AMBRA1: variants seen among roughly 807,000 people sequenced by gnomAD.
AMBRA1 encodes autophagy and beclin 1 regulator 1.
AMBRA1 carries 47 observed loss-of-function variants against 125.4 expected under a neutral mutation model. That is an observed-to-expected ratio of 0.37 (90% CI 0.30 to 0.48). The LOEUF (loss-of-function observed/expected upper bound fraction) is 0.48. AMBRA1 is among the 20% of genes least tolerant of loss of function. The probability of loss-of-function intolerance (pLI) is 0.99; values close to 1 mark genes in which losing one functional copy is unlikely to be tolerated. For missense variants in AMBRA1, 1,331 were observed against 1,693.4 expected, an observed-to-expected ratio of 0.79 and a Z score of 3.76; for synonymous variants, 626 against 655.5, an observed-to-expected ratio of 0.95 and a Z score of 0.69.
intron 11 of AMBRA1, among the ~76,000 whole-genome samples, chr11:46,446,212 C>T (rs1170275139): frequency 6.6e-6 from 1 of 152,128 alleles, no homozygotes; most frequent in South Asian, 2.1e-4. Flanking sequence ...GTCATATAAA[C>T]ACAGATTAGG....
chr11:46,545,316 G>A lies in AMBRA1; in HGVS notation c.551+288C>T, dbSNP rs183279382. Reference sequence around the variant, plus strand: ...CTTTATTAAAAATACAAAAAAATGAGCCGGGCATGGTGGTGGGTGCCTGCA... The same window carrying A: ...CTTTATTAAAAATACAAAAAAATGAACCGGGCATGGTGGTGGGTGCCTGCA... On this transcript the variant is annotated intron_variant, in intron 5 of 17. Coordinates refer to ENST00000683756, the MANE Select transcript of AMBRA1 (RefSeq NM_001387011.1). 6.0e-3 allele frequency among the ~76,000 whole-genome samples: 908 copies of A among 151,930 alleles called. 5 individuals carry two copies. The highest frequency in any genetic ancestry group is 0.011 in the Non-Finnish European group (736 of 67,950).
At position 46,412,705 on chromosome 11, in the gene AMBRA1, C is replaced by T. The variant is rs543828279; in HGVS notation, c.3117-2337G>A. On this transcript the variant is annotated intron_variant, in intron 15 of 17. Coordinates refer to ENST00000683756, the MANE Select transcript of AMBRA1 (RefSeq NM_001387011.1). ...ACCAAGGGCCAACTGTTTATCCTTC[C>T]TCTTCTAAACAGCCATTTTTGTGGG... Among the ~76,000 whole-genome samples the T allele has an allele frequency of 2.0e-5, 3 of 152,282 alleles. No homozygotes were observed. In the East Asian group the frequency reaches 5.8e-4, roughly 29 times the overall value.
At chr11:46,523,722 AAAGACAAAAGAT>A (rs1951852484) in intron 7 of AMBRA1, among the ~76,000 whole-genome samples, 1 of 152,206 alleles carries the variant, frequency 6.6e-6, no homozygotes, top group Non-Finnish European at 1.5e-5. Flanking sequence ...ATCAGAGACA[AAAGACAAAAGAT>A]AAGACAGAAG....
At chr11:46,440,683 T>TG (rs962658468) in intron 12 of AMBRA1, among the ~76,000 whole-genome samples, 2 of 152,114 alleles carry the variant, frequency 1.3e-5, no homozygotes, top group Admixed American at 1.3e-4. Context: ...ATGTGGATTG[T>TG]GGTTAATTTC....
At chr11:46,518,407 G>C (rs915195122) in intron 7 of AMBRA1, 1 of 149,684 alleles carries the variant, frequency 6.7e-6, no homozygotes, top group African/African-American at 2.6e-5. Context: ...TCCAGCCTAG[G>C]TGACAGAGCA....
In AMBRA1 at chr11:46,400,473, G is replaced by GTTTTTTTTTT. The variant is rs553040136; in HGVS notation, c.3404-2540_3404-2531dup. Among the ~76,000 whole-genome samples, 97 of 48,886 alleles carry GTTTTTTTTTT rather than the reference G, an allele frequency of 2.0e-3. 25 individuals are homozygous for GTTTTTTTTTT. The highest frequency in any genetic ancestry group is 3.4e-3 in the African/African-American group (52 of 15,488). 32.1% of individuals were successfully genotyped at this position (48,886 alleles called of 152,430 possible). The stretch of plus-strand genomic sequence containing the variant: ...CCTCATGCTTCTAGTTCTTTCTATA[G>GTTTTTTTTTT]TTTTTTTTTTTTTTTTTTTTTTTTT... On this transcript the variant is annotated intron_variant, in intron 17 of 17. Transcript: ENST00000683756.
intron 11 of AMBRA1, among the ~76,000 whole-genome samples, chr11:46,483,312 C>T (rs1950144527): frequency 6.6e-6 from 1 of 152,202 alleles, no homozygotes; most frequent in Admixed American, 6.5e-5. Context: ...CAAAGGGCCC[C>T]AGTCACCTAT....
chr11:46,518,789 C>A (rs1951632655), intron 7 of AMBRA1, among the ~76,000 whole-genome samples: 1 of 152,142 alleles, frequency 6.6e-6, no homozygotes, highest in African/African-American at 2.4e-5. Flanking sequence ...TTAAGCTCTG[C>A]TAAAATCATA....
intron 1 of AMBRA1, among the ~76,000 whole-genome samples, chr11:46,568,745 T>A (rs1435527459): frequency 6.7e-6 from 1 of 148,806 alleles, no homozygotes; most frequent in Non-Finnish European, 1.5e-5. Flanking sequence ...GCACTCCAGC[T>A]TGGGCAACAA....
chr11:46,406,775 G>A (rs753180735), intron 17 of AMBRA1, among the ~76,000 whole-genome samples: 4 of 152,020 alleles, frequency 2.6e-5, no homozygotes, highest in East Asian at 1.9e-4. Flanking sequence ...CCAGCTACTC[G>A]GGAGGCTGAG....
chr11:46,577,694 T>C (rs1472547031), intron 1 of AMBRA1, among the ~76,000 whole-genome samples: 2 of 152,010 alleles, frequency 1.3e-5, no homozygotes, highest in African/African-American at 4.8e-5. Context: ...CTCATGCCTA[T>C]AATGCCAGCA....
intron 12 of AMBRA1, among the ~76,000 whole-genome samples, chr11:46,441,493 G>A (rs968873014): frequency 1.3e-5 from 2 of 151,902 alleles, no homozygotes; most frequent in African/African-American, 4.8e-5. Context: ...CCAGCCTGGT[G>A]ACAGAGCAAG....
chr11:46,552,511 C>A (rs1312439614), intron 1 of AMBRA1, among the ~76,000 whole-genome samples: 3 of 150,100 alleles, frequency 2.0e-5, no homozygotes, highest in Non-Finnish European at 4.4e-5. Flanking sequence ...ATGGTGAAAC[C>A]CCGTCTCTAC....
intron 1 of AMBRA1, among the ~76,000 whole-genome samples, chr11:46,552,544 G>A (rs1451473943): frequency 6.6e-6 from 1 of 151,626 alleles, no homozygotes; most frequent in African/African-American, 2.4e-5. Context: ...AGTTAGCTAG[G>A]CGTGATGGTA....
intron 16 of AMBRA1, among the ~76,000 whole-genome samples, chr11:46,409,373 G>A (rs1288778504): frequency 6.6e-6 from 1 of 152,122 alleles, no homozygotes; most frequent in Admixed American, 6.5e-5. Context: ...GCTAATTTTT[G>A]TATTTTTAGT....
intron 1 of AMBRA1, among the ~76,000 whole-genome samples, chr11:46,549,515 A>G (rs1025222699): frequency 7.2e-5 from 11 of 152,182 alleles, no homozygotes; most frequent in Non-Finnish European, 1.6e-4. Flanking sequence ...TTCAGTAGGT[A>G]TCAAGACACT....
intron 15 of AMBRA1, among the ~76,000 whole-genome samples, chr11:46,412,141 G>T (rs1036271012): frequency 3.3e-5 from 5 of 152,070 alleles, no homozygotes; most frequent in African/African-American, 1.2e-4. Context: ...GTTGTCCCTT[G>T]GTATCTTTGG....
At chr11:46,523,487 A>G (rs1273992328) in intron 7 of AMBRA1, among the ~76,000 whole-genome samples, 1 of 152,212 alleles carries the variant, frequency 6.6e-6, no homozygotes, top group African/African-American at 2.4e-5. Context: ...GTCAATCAAT[A>G]CTACCCTGAG....
intron 14 of AMBRA1, among the ~76,000 whole-genome samples, chr11:46,426,141 AT>A (rs1173897496): frequency 1.3e-5 from 2 of 152,110 alleles, no homozygotes; most frequent in African/African-American, 2.4e-5. Context: ...GGATTATCTC[AT>A]TACTACCTTG....
Sources: allele counts gnomAD v4.1 joint callset (sites outside exome capture counted in the v4.1 genomes callset), GRCh38; gene constraint gnomAD v4.1.1; transcripts MANE v1.5; gene names NCBI Gene and HGNC (gene_info 2026-07-23, HGNC 2026-07-21).